The following EYS variants were observed in gnomAD, a reference collection of about 807,000 sequenced individuals.
The protein encoded by EYS is EGF-like photoreceptor maintenance factor, also known as protein eyes shut homolog.
EYS carries 250 observed loss-of-function variants against 282.1 expected under a neutral mutation model. The ratio of observed to expected loss-of-function variants is 0.89; its 90% CI spans 0.80 to 0.98. The LOEUF is 0.98. EYS is among the 50% of genes least tolerant of loss of function. The pLI, the probability that EYS is intolerant of heterozygous loss-of-function variation, is 0.00. For synonymous variants in EYS, 1,355 were observed against 1,282.9 expected (o/e 1.06, Z -1.20); for missense variants, 4,016 against 3,709.0 (o/e 1.08, Z -2.15).
intron 15 of EYS, among the ~76,000 whole-genome samples, chr6:64,933,983 G>A (rs1768818195): frequency 6.6e-6 from 1 of 151,964 alleles, no homozygotes; most frequent in Non-Finnish European, 1.5e-5. Context: ...GGGGGGTCAG[G>A]GGGATAGTGG....
chr6:64,651,722 A>G (rs972655695), intron 22 of EYS, among the ~76,000 whole-genome samples: 1 of 152,230 alleles, frequency 6.6e-6, no homozygotes, highest in African/African-American at 2.4e-5. Flanking sequence ...ATATCAGAGA[A>G]AAGTTCAATA....
intron 26 of EYS, among the ~76,000 whole-genome samples, chr6:64,512,172 G>A (rs532138129): frequency 1.3e-5 from 2 of 151,906 alleles, no homozygotes; most frequent in Non-Finnish European, 2.9e-5. Flanking sequence ...TGATATGTTT[G>A]TACATTTAAT....
At chr6:64,526,527 T>A (rs1777925136) in intron 26 of EYS, among the ~76,000 whole-genome samples, 1 of 151,882 alleles carries the variant, frequency 6.6e-6, no homozygotes, top group African/African-American at 2.4e-5. Flanking sequence ...TGTTACATAT[T>A]GACCATTTAA....
rs369662642 is a variant in EYS at position 63,803,287 on chromosome 6, A to G, written c.7411+2903T>C. 4.6e-5 allele frequency among the ~76,000 whole-genome samples: 7 copies of G among 151,702 alleles called. 1 individual carries two copies. The East Asian group carries it at 7.7e-4, about 17-fold the overall frequency. On this transcript the variant is annotated intron_variant, in intron 37 of 42. Transcript: ENST00000503581. ...TTCAAATCAGAAGGGTTTAATTGATAAATATATGATAAGTGGTGTGCAGAG... is the reference window on the plus strand; with the variant it reads ...TTCAAATCAGAAGGGTTTAATTGATGAATATATGATAAGTGGTGTGCAGAG...
intron 22 of EYS, among the ~76,000 whole-genome samples, chr6:64,803,962 C>T (rs1053508403): frequency 6.6e-6 from 1 of 152,166 alleles, no homozygotes; most frequent in Non-Finnish European, 1.5e-5. Context: ...TGGGTGGCTG[C>T]AGCTGCGCCC....
intron 31 of EYS, among the ~76,000 whole-genome samples, chr6:64,181,367 A>G (rs1238216321): frequency 6.6e-6 from 1 of 152,094 alleles, no homozygotes; most frequent in African/African-American, 2.4e-5. Context: ...AAAGCAGATT[A>G]TATGCTCTAT....
At chr6:65,151,663 T>A (rs191530787) in intron 12 of EYS, among the ~76,000 whole-genome samples, 1 of 152,180 alleles carries the variant, frequency 6.6e-6, no homozygotes, top group African/African-American at 2.4e-5. Flanking sequence ...CATTCTAACG[T>A]GCTATTTTGT....
intron 1 of EYS, among the ~76,000 whole-genome samples, chr6:65,670,000 ACTC>A (rs57880191): frequency 0.22 from 32,922 of 151,364 alleles, 4,231 homozygotes; most frequent in African/African-American, 0.37. Flanking sequence ...TGCCTCTCTG[ACTC>A]CTCCTCCTCC....
At chr6:64,531,777 G>T (rs974974067) in intron 26 of EYS, among the ~76,000 whole-genome samples, 18 of 151,926 alleles carry the variant, frequency 1.2e-4, no homozygotes, top group African/African-American at 4.1e-4. Flanking sequence ...AATACATTCA[G>T]AAATATTCAT....
At chr6:65,697,652 C>T (rs1284127117) in intron 1 of EYS, among the ~76,000 whole-genome samples, 2 of 150,880 alleles carry the variant, frequency 1.3e-5, no homozygotes, top group African/African-American at 2.4e-5. Flanking sequence ...TCTTACCAAA[C>T]GATTGGGTCC....
intron 2 of EYS, among the ~76,000 whole-genome samples, chr6:65,525,661 C>T (rs772045582): frequency 6.6e-6 from 1 of 152,204 alleles, no homozygotes; most frequent in Non-Finnish European, 1.5e-5. Flanking sequence ...AATAACTAAT[C>T]ACTGACTCTT....
chr6:64,876,815 G>T (rs919689656), intron 19 of EYS, among the ~76,000 whole-genome samples: 7 of 152,154 alleles, frequency 4.6e-5, no homozygotes, highest in African/African-American at 1.7e-4. Flanking sequence ...CTGTGGAATT[G>T]AGGGAGAAAT....
intron 2 of EYS, among the ~76,000 whole-genome samples, chr6:65,622,851 G>A (rs906580241): frequency 6.6e-5 from 10 of 151,098 alleles, no homozygotes; most frequent in East Asian, 2.0e-4. Flanking sequence ...TCAACCTCTC[G>A]GGTCCGGTGG....
intron 15 of EYS, among the ~76,000 whole-genome samples, chr6:64,941,387 A>T (rs1465266646): frequency 6.6e-6 from 1 of 152,090 alleles, no homozygotes; most frequent in African/African-American, 2.4e-5. Context: ...CTCAAAAAAA[A>T]AATTTACAAA....
At chr6:63,817,680 T>C (rs1376169910) in intron 36 of EYS, among the ~76,000 whole-genome samples, 1 of 152,256 alleles carries the variant, frequency 6.6e-6, no homozygotes, top group Non-Finnish European at 1.5e-5. Context: ...TCCAGATTCC[T>C]GGAACTGGTC....
chr6:63,921,386 T>A (rs1203483736), intron 35 of EYS, among the ~76,000 whole-genome samples: 1 of 152,266 alleles, frequency 6.6e-6, no homozygotes, highest in Non-Finnish European at 1.5e-5. Context: ...CTCCCCGTTC[T>A]ACTAGCTGCT....
At chr6:65,114,553 T>A (rs1775312606) in intron 12 of EYS, among the ~76,000 whole-genome samples, 1 of 151,884 alleles carries the variant, frequency 6.6e-6, no homozygotes, top group Admixed American at 6.6e-5. Context: ...TGTCTGGGAT[T>A]TAGTAAGTAT....
intron 30 of EYS, among the ~76,000 whole-genome samples, chr6:64,240,573 G>A (rs191156724): frequency 6.6e-6 from 1 of 152,110 alleles, no homozygotes; most frequent in Non-Finnish European, 1.5e-5. Context: ...TTGGTGTATA[G>A]GAATGCTTGT....
At chr6:64,929,965 A>T (rs928132860) in intron 15 of EYS, among the ~76,000 whole-genome samples, 6 of 152,146 alleles carry the variant, frequency 3.9e-5, no homozygotes, top group Non-Finnish European at 7.4e-5. Flanking sequence ...AAATAAACAT[A>T]AATAAAATCT....
Sources: gnomAD v4.1 joint callset for allele counts (sites outside exome capture counted in the v4.1 genomes callset) on GRCh38, gnomAD v4.1.1 for gene constraint, MANE v1.5 for transcripts, NCBI Gene and HGNC (gene_info 2026-07-23, HGNC 2026-07-21) for gene names.